SLC35D4: variants seen among roughly 807,000 people sequenced by gnomAD.
The protein encoded by SLC35D4 is solute carrier family 35 member D4, also known as UDP-N-acetylglucosamine transporter SLC35D4.
the SLC35D4 span, among the ~76,000 whole-genome samples, chr18:23,316,545 C>T: frequency 3.0e-3 from 457 of 152,282 alleles, 3 homozygotes; most frequent in African/African-American, 0.011. Flanking sequence ...AAACTCCAGG[C>T]ATGGCTATTA....
the SLC35D4 span, among the ~76,000 whole-genome samples, chr18:23,378,487 A>G: frequency 1.3e-5 from 2 of 152,158 alleles, no homozygotes; most frequent in African/African-American, 4.8e-5. Flanking sequence ...GAGACAAGGG[A>G]AAAAAAGGCA....
chr18:23,415,589 T>C, the SLC35D4 span, among the ~76,000 whole-genome samples: 2 of 152,324 alleles, frequency 1.3e-5, no homozygotes, highest in East Asian at 3.9e-4. Context: ...AGATGTCCAG[T>C]CAGATAAAAC....
the SLC35D4 span, among the ~76,000 whole-genome samples, chr18:23,405,641 C>G: frequency 1.3e-5 from 2 of 152,112 alleles, no homozygotes; most frequent in African/African-American, 4.8e-5. Flanking sequence ...ATATGACAGA[C>G]CAAGTCCAAT....
chr18:23,389,027 T>C, the SLC35D4 span, among the ~76,000 whole-genome samples: 2 of 149,556 alleles, frequency 1.3e-5, no homozygotes, highest in Admixed American at 6.7e-5. Context: ...TCTTGCTCTG[T>C]CACCCAGGCC....
At chr18:23,427,392 T>C in the SLC35D4 span, among the ~76,000 whole-genome samples, 3 of 152,094 alleles carry the variant, frequency 2.0e-5, no homozygotes, top group Non-Finnish European at 4.4e-5. Flanking sequence ...AGAAGACATT[T>C]ATGCAGCCAA....
the SLC35D4 span, among the ~76,000 whole-genome samples, chr18:23,371,150 G>A: frequency 6.4e-4 from 96 of 150,214 alleles, no homozygotes; most frequent in African/African-American, 2.3e-3. Context: ...GCTGGAGTGC[G>A]GTGGTGTGAT....
chr18:23,425,110 C>A, the SLC35D4 span, among the ~76,000 whole-genome samples: 1 of 152,022 alleles, frequency 6.6e-6, no homozygotes, highest in African/African-American at 2.4e-5. Flanking sequence ...TATTTTTTAT[C>A]TTTTATTTTT....
chr18:23,364,583 G>A, the SLC35D4 span, among the ~76,000 whole-genome samples: 1 of 152,162 alleles, frequency 6.6e-6, no homozygotes, highest in African/African-American at 2.4e-5. Flanking sequence ...CAACAACAGA[G>A]TAATTGAGGC....
the SLC35D4 span, among the ~76,000 whole-genome samples, chr18:23,273,608 CTGAATGAA>C: frequency 3.6e-4 from 54 of 151,880 alleles, no homozygotes; most frequent in Non-Finnish European, 6.2e-4. Flanking sequence ...CTGTGACTTC[CTGAATGAA>C]TGAATGAATG....
At chr18:23,345,481 CAAAAA>C in the SLC35D4 span, among the ~76,000 whole-genome samples, 3 of 57,270 alleles carry the variant, frequency 5.2e-5, no homozygotes, top group Non-Finnish European at 9.3e-5. Flanking sequence ...GACTCCATCT[CAAAAA>C]AAAAAAAAAA....
the SLC35D4 span, among the ~76,000 whole-genome samples, chr18:23,275,623 T>C: frequency 1.1e-3 from 157 of 137,956 alleles, no homozygotes; most frequent in African/African-American, 4.6e-3. Flanking sequence ...TGTGCTGTGC[T>C]GTGCTGTGCT....
the SLC35D4 span, chr18:23,385,074 G>C: frequency 1.2e-6 from 2 of 1,608,646 alleles, no homozygotes; most frequent in Non-Finnish European, 1.7e-6. Flanking sequence ...TGGCCTGAAA[G>C]AAAACAGAAT....
chr18:23,362,297 T>C, the SLC35D4 span, among the ~76,000 whole-genome samples: 3 of 152,192 alleles, frequency 2.0e-5, no homozygotes, highest in East Asian at 3.8e-4. Flanking sequence ...AGTGGGATAC[T>C]TCATAGTAAA....
the SLC35D4 span, among the ~76,000 whole-genome samples, chr18:23,256,408 A>T: frequency 6.6e-6 from 1 of 152,246 alleles, no homozygotes; most frequent in Non-Finnish European, 1.5e-5. Context: ...GAAAGGACTG[A>T]ACTACATAGA....
the SLC35D4 span, among the ~76,000 whole-genome samples, chr18:23,427,204 A>C: frequency 6.6e-6 from 1 of 152,238 alleles, no homozygotes; most frequent in Admixed American, 6.5e-5. Context: ...TGCACAGCAA[A>C]AGAACCTACC....
chr18:23,375,511 G>C, the SLC35D4 span, among the ~76,000 whole-genome samples: 1 of 152,136 alleles, frequency 6.6e-6, no homozygotes, highest in Non-Finnish European at 1.5e-5. Context: ...GAATACATGA[G>C]AGCTCACTGT....
At chr18:23,382,565 G>GAA in the SLC35D4 span, among the ~76,000 whole-genome samples, 1 of 150,922 alleles carries the variant, frequency 6.6e-6, no homozygotes, top group Non-Finnish European at 1.5e-5. Context: ...TAGGGAGAAA[G>GAA]AAAAAAAAAT....
chr18:23,253,903 C>A, the SLC35D4 span: 2 of 1,614,018 alleles, frequency 1.2e-6, no homozygotes, highest in African/African-American at 1.3e-5. Flanking sequence ...TTGGAAGTGA[C>A]CTCAAAAAAC....
At chr18:23,255,149 G>A in the SLC35D4 span, among the ~76,000 whole-genome samples, 2 of 152,160 alleles carry the variant, frequency 1.3e-5, no homozygotes, top group Non-Finnish European at 2.9e-5. Context: ...CATGGAGGAG[G>A]TGGTGGGAAT....
Sources: allele counts gnomAD v4.1 joint callset (sites outside exome capture counted in the v4.1 genomes callset), GRCh38; gene constraint gnomAD v4.1.1; transcripts MANE v1.5; gene names NCBI Gene and HGNC (gene_info 2026-07-23, HGNC 2026-07-21).